The following PKNOX2 variants were observed in gnomAD, a reference collection of about 807,000 sequenced individuals.
PKNOX2 encodes homeobox protein PKNOX2.
PKNOX2 carries 14 observed loss-of-function variants against 53.1 expected under a neutral mutation model. The observed-to-expected ratio is 0.26, with a 90% CI of 0.17 to 0.41. The LOEUF is 0.41. Among genes scored for constraint, PKNOX2 ranks in the 10% least tolerant of loss-of-function variants. The pLI is 1.00. For missense variants in PKNOX2, 496 were observed against 602.8 expected (o/e 0.82, Z 1.85); for synonymous variants, 257 against 242.8 (o/e 1.06, Z -0.54).
chr11:125,323,068 A>C (rs1283947043), intron 2 of PKNOX2, among the ~76,000 whole-genome samples: 1 of 152,180 alleles, frequency 6.6e-6, no homozygotes, highest in Non-Finnish European at 1.5e-5. Flanking sequence ...CTCACTTTGC[A>C]GATGGAGAAA....
intron 3 of PKNOX2, among the ~76,000 whole-genome samples, chr11:125,342,627 G>A (rs1441927329): frequency 6.6e-6 from 1 of 152,202 alleles, no homozygotes; most frequent in Non-Finnish European, 1.5e-5. Flanking sequence ...TCAGCTCAGT[G>A]CCTGAGCGGC....
chr11:125,168,651 G>A (rs1325881891), intron 1 of PKNOX2, among the ~76,000 whole-genome samples: 3 of 152,190 alleles, frequency 2.0e-5, no homozygotes, highest in Non-Finnish European at 4.4e-5. Context: ...ACCAAGGCAT[G>A]CCTAGAAAGC....
chr11:125,243,921 C>G (rs1943364269), intron 2 of PKNOX2, among the ~76,000 whole-genome samples: 1 of 152,232 alleles, frequency 6.6e-6, no homozygotes, highest in Non-Finnish European at 1.5e-5. Flanking sequence ...CATGCCCAGC[C>G]TGTACCTGGG....
chr11:125,251,119 ACTT>A (rs140682544), intron 2 of PKNOX2, among the ~76,000 whole-genome samples: 82 of 152,202 alleles, frequency 5.4e-4, no homozygotes, highest in Non-Finnish European at 9.0e-4. Flanking sequence ...GAGGCGTGTG[ACTT>A]CTTCTTTCTT....
In PKNOX2 at chr11:125,322,718, A is replaced by C. The variant is rs190596467; in HGVS notation, c.-129-9101A>C. On this transcript the variant is annotated intron_variant, in intron 2 of 12. Coordinates refer to ENST00000298282, the MANE Select transcript of PKNOX2 (RefSeq NM_001382323.2). ...ATCTGCCATCACCCCTGTGTCCCCCAGATCCCCCAGAGTGTGCAGGTCACC... is the reference window on the plus strand; with the variant it reads ...ATCTGCCATCACCCCTGTGTCCCCCCGATCCCCCAGAGTGTGCAGGTCACC... Among the ~76,000 whole-genome samples, 89 of 152,320 alleles carry C rather than the reference A, an allele frequency of 5.8e-4. 2 individuals carry two copies. In the South Asian group the frequency reaches 9.3e-3, roughly 16 times the overall value.
intron 1 of PKNOX2, among the ~76,000 whole-genome samples, chr11:125,206,206 G>A (rs1408029522): frequency 6.6e-6 from 1 of 152,010 alleles, no homozygotes; most frequent in Non-Finnish European, 1.5e-5. Flanking sequence ...GGAGAACCGA[G>A]AAGGAAACTT....
chr11:125,429,481 C>T (rs1956588605), intron 11 of PKNOX2, among the ~76,000 whole-genome samples: 2 of 152,196 alleles, frequency 1.3e-5, no homozygotes. Context: ...AAACTAGCTG[C>T]AAAGCTGGGA....
chr11:125,395,404 A>G (rs557141277), intron 6 of PKNOX2, among the ~76,000 whole-genome samples: 4 of 152,336 alleles, frequency 2.6e-5, no homozygotes, highest in African/African-American at 9.6e-5. Context: ...TTTTTGTAAG[A>G]ACATATGTTT....
intron 9 of PKNOX2, 169 bp from the exon 10 acceptor site, chr11:125,411,577 C>T: frequency 1.0e-6 from 1 of 976,352 alleles, no homozygotes; most frequent in Non-Finnish European, 1.5e-6. Flanking sequence ...CTCACCTCCA[C>T]TCTCTGAGGG....
At chr11:125,298,775 G>C (rs1373056006) in intron 2 of PKNOX2, among the ~76,000 whole-genome samples, 1 of 152,200 alleles carries the variant, frequency 6.6e-6, no homozygotes, top group Non-Finnish European at 1.5e-5. Flanking sequence ...ACTTTGGCTC[G>C]TGACCTTGAC....
chr11:125,250,509 T>C (rs1943914693), intron 2 of PKNOX2, among the ~76,000 whole-genome samples: 3 of 152,278 alleles, frequency 2.0e-5, no homozygotes, highest in Non-Finnish European at 4.4e-5. Flanking sequence ...TCTCAACAAA[T>C]GCTGCTGTGT....
chr11:125,296,408 A>G (rs1947657138), intron 2 of PKNOX2, among the ~76,000 whole-genome samples: 1 of 152,020 alleles, frequency 6.6e-6, no homozygotes, highest in African/African-American at 2.4e-5. Flanking sequence ...CTGTGCACTC[A>G]ACACATGATC....
chr11:125,411,052 CT>C, intron 9 of PKNOX2, 176 bp downstream of exon 9: 1 of 595,040 alleles, frequency 1.7e-6, no homozygotes, highest in Non-Finnish European at 3.0e-6. Flanking sequence ...GTTTTATCAA[CT>C]CCTGGGATTT....
chr11:125,422,168 G>A lies in PKNOX2; in HGVS notation c.937-6844G>A, dbSNP rs973270283. ...GTGACCCCTCGCTCCAAGTTGTTGT[G>A]GTCCTCAAACCCTCTTCACCCCTTA... On this transcript the variant is annotated intron_variant, in intron 10 of 12. Transcript: ENST00000298282. The surrounding 1 kb of genome is among the most constrained non-coding windows in gnomAD (Gnocchi z 4.1). Among the ~76,000 whole-genome samples, 4 of 152,080 alleles carry A rather than the reference G, an allele frequency of 2.6e-5. No individual in the cohort carries two copies. Among genetic ancestry groups the A allele is most frequent in the Non-Finnish European group, 4.4e-5 (3 of 68,010 alleles).
intron 2 of PKNOX2, among the ~76,000 whole-genome samples, chr11:125,327,853 C>T (rs1297580799): frequency 1.3e-5 from 2 of 152,228 alleles, no homozygotes; most frequent in Non-Finnish European, 2.9e-5. Flanking sequence ...TGTATTGTAG[C>T]CCTGAAGCGG....
rs781516928 is a variant in PKNOX2 at position 125,257,449 on chromosome 11, T to C, written c.-130+22334T>C. Among the ~76,000 whole-genome samples, 87 of 152,360 alleles carry C rather than the reference T, an allele frequency of 5.7e-4. 1 individual carries two copies. The highest frequency in any genetic ancestry group is 1.4e-3 in the Admixed American group (21 of 15,304). ...TGAGCTGGAGGCTGTTTTCAAGACC[T>C]GCAGGATCCCAGTAGGATACCTCCA... On this transcript the variant is annotated intron_variant, in intron 2 of 12. Transcript: ENST00000298282.
intron 2 of PKNOX2, chr11:125,277,740 G>A (rs1946270207): frequency 6.6e-6 from 1 of 152,158 alleles, no homozygotes; most frequent in South Asian, 2.1e-4. Context: ...ATAAATTATT[G>A]TATATTTCAA....
chr11:125,215,431 A>G (rs1457097563), intron 1 of PKNOX2, among the ~76,000 whole-genome samples: 1 of 152,026 alleles, frequency 6.6e-6, no homozygotes, highest in Non-Finnish European at 1.5e-5. Context: ...TTCAGCTAGA[A>G]AAGCAGGAGC....
At chr11:125,254,426 A>G (rs56315401) in intron 2 of PKNOX2, among the ~76,000 whole-genome samples, 39,161 of 151,904 alleles carry the variant, frequency 0.26, 5,704 homozygotes, top group Non-Finnish European at 0.33. Context: ...GCAAGGGGAG[A>G]AAGAAAAGGG....
Sources: gnomAD v4.1 joint callset for allele counts (sites outside exome capture counted in the v4.1 genomes callset) on GRCh38, gnomAD v4.1.1 for gene constraint, Gnocchi (gnomAD v3.1) non-coding constraint, MANE v1.5 for transcripts, NCBI Gene and HGNC (gene_info 2026-07-23, HGNC 2026-07-21) for gene names.